The following KAT2B variants were observed in gnomAD, a reference collection of about 807,000 sequenced individuals.
KAT2B encodes lysine acetyltransferase 2B.
A neutral mutation model predicts 105.9 loss-of-function variants in KAT2B; 36 were observed. The observed-to-expected ratio is 0.34, with a 90% CI of 0.26 to 0.45. The LOEUF (loss-of-function observed/expected upper bound fraction) is 0.45, where lower values mean the gene tolerates loss of function less well. KAT2B is among the 20% of genes least tolerant of loss of function. KAT2B has a pLI of 1.00. For missense variants in KAT2B, 820 were observed against 1,021.6 expected (o/e 0.80, Z 2.69); for synonymous variants, 397 against 377.9 (o/e 1.05, Z -0.59).
intron 1 of KAT2B, among the ~76,000 whole-genome samples, chr3:20,068,326 C>A (rs769815761): frequency 3.3e-5 from 5 of 151,270 alleles, no homozygotes; most frequent in Non-Finnish European, 7.4e-5. Flanking sequence ...ACGTCTTTAC[C>A]CACTGCGCTG....
chr3:20,147,531 A>G (rs938698590), intron 14 of KAT2B, among the ~76,000 whole-genome samples: 5 of 152,190 alleles, frequency 3.3e-5, no homozygotes, highest in African/African-American at 9.6e-5. Flanking sequence ...GCTGTTTTCT[A>G]TCTGCTACAC....
intron 3 of KAT2B, among the ~76,000 whole-genome samples, chr3:20,097,852 G>GA (rs1270945641): frequency 6.6e-6 from 1 of 151,608 alleles, no homozygotes; most frequent in African/African-American, 2.4e-5. Flanking sequence ...TTTTTAAAAA[G>GA]AAAAAAAGAG....
intron 1 of KAT2B, among the ~76,000 whole-genome samples, chr3:20,069,895 TCTC>T (rs1168857756): frequency 2.0e-5 from 3 of 152,142 alleles, no homozygotes; most frequent in African/African-American, 7.2e-5. Flanking sequence ...TTTGCCATAT[TCTC>T]CTATTCACTG....
intron 13 of KAT2B, among the ~76,000 whole-genome samples, chr3:20,143,417 C>G (rs1343336817): frequency 6.6e-6 from 1 of 152,004 alleles, no homozygotes; most frequent in Admixed American, 6.6e-5. Context: ...AAAGGGAATG[C>G]TTATACACTC....
At chr3:20,118,020 A>C (rs1286516057) in intron 7 of KAT2B, among the ~76,000 whole-genome samples, 2 of 151,972 alleles carry the variant, frequency 1.3e-5, no homozygotes, top group African/African-American at 2.4e-5. Flanking sequence ...TTACCTGGTT[A>C]TAAACCAATT....
intron 1 of KAT2B, among the ~76,000 whole-genome samples, chr3:20,045,771 C>T (rs1459369763): frequency 6.6e-6 from 1 of 152,138 alleles, no homozygotes; most frequent in African/African-American, 2.4e-5. Context: ...GCTCTGCAAC[C>T]TTGGATAAGG....
intron 11 of KAT2B, among the ~76,000 whole-genome samples, 194 bp from the exon 12 acceptor site, chr3:20,136,748 G>C (rs759860880): frequency 8.6e-5 from 13 of 152,002 alleles, no homozygotes; most frequent in Non-Finnish European, 1.8e-4. Context: ...TTTTGATTTT[G>C]TTTTGGTTTT....
At chr3:20,074,792 CTG>C (rs1698388386) in intron 2 of KAT2B, among the ~76,000 whole-genome samples, 1 of 152,148 alleles carries the variant, frequency 6.6e-6, no homozygotes, top group Non-Finnish European at 1.5e-5. Context: ...GCCTCTGTCC[CTG>C]TGAGTATTGG....
At chr3:20,107,801 T>G (rs1013961964) in intron 5 of KAT2B, among the ~76,000 whole-genome samples, 1 of 145,448 alleles carries the variant, frequency 6.9e-6, no homozygotes, top group Admixed American at 6.9e-5. Context: ...TTATTTTGCT[T>G]TTTCCTTTTT....
chr3:20,058,277 G>A (rs9817728), intron 1 of KAT2B, among the ~76,000 whole-genome samples: 3,985 of 151,974 alleles, frequency 0.026, 156 homozygotes, highest in African/African-American at 0.09. Flanking sequence ...GGCCAACATG[G>A]TGAAACCCCG....
intron 9 of KAT2B, among the ~76,000 whole-genome samples, chr3:20,123,660 G>A (rs1699350856): frequency 6.6e-6 from 1 of 152,204 alleles, no homozygotes; most frequent in Non-Finnish European, 1.5e-5. Flanking sequence ...TGAAGGATCA[G>A]TTAGGGATTG....
At chr3:20,142,873 G>GTATATA (rs578150928) in intron 13 of KAT2B, among the ~76,000 whole-genome samples, 186 of 139,372 alleles carry the variant, frequency 1.3e-3, no homozygotes, top group South Asian at 8.7e-3. Flanking sequence ...GCATAATTGG[G>GTATATA]TATCTATGTG....
At chr3:20,089,026 A>G (rs371989160) in intron 2 of KAT2B, among the ~76,000 whole-genome samples, 1 of 152,150 alleles carries the variant, frequency 6.6e-6, no homozygotes, top group South Asian at 2.1e-4. Context: ...TTTGTTGAAA[A>G]TCAGTTGACT....
chr3:20,082,515 G>C (rs376169021), intron 2 of KAT2B, among the ~76,000 whole-genome samples: 246 of 152,052 alleles, frequency 1.6e-3, no homozygotes, highest in African/African-American at 5.6e-3. Context: ...CTGTTTAGTT[G>C]TCATGTCTCT....
chr3:20,146,395 T>A lies in KAT2B; in HGVS notation c.2084T>A (p.Val695Asp), dbSNP rs747047342. The A allele has an allele frequency of 6.2e-7, 1 of 1,612,796 alleles. No homozygotes were observed. Reference protein sequence around the residue: ...YPGLSCFKDGVRQIPIESIPG... With the variant: ...YPGLSCFKDGDRQIPIESIPG... ...GGACTTTCATGTTTTAAAGATGGAG[T>A]TCGACAGATTCCTATAGAAAGCATT... The change falls in exon 14 of 18, where the codon GTT (valine) becomes GAT (aspartate). Residue 695 changes from valine to aspartate, a missense_variant. Around this residue, in one of 6 missense-constraint regions of KAT2B, gnomAD observed 227 missense variants for 292.9 expected, o/e 0.77. Coordinates refer to ENST00000263754, the MANE Select transcript of KAT2B (RefSeq NM_003884.5).
intron 10 of KAT2B, among the ~76,000 whole-genome samples, chr3:20,126,642 G>C (rs903371580): frequency 2.6e-5 from 4 of 151,692 alleles, no homozygotes; most frequent in African/African-American, 9.7e-5. Context: ...GACCAACATG[G>C]AGAAACCCCG....
intron 11 of KAT2B, among the ~76,000 whole-genome samples, chr3:20,128,936 G>A (rs1193318689): frequency 6.6e-6 from 1 of 150,718 alleles, no homozygotes; most frequent in African/African-American, 2.4e-5. Flanking sequence ...GAACCCGGGA[G>A]GCGGAGGTTG....
At chr3:20,107,004 TATATATATATA>T (rs1457042260) in intron 5 of KAT2B, among the ~76,000 whole-genome samples, 8 of 43,706 alleles carry the variant, frequency 1.8e-4, no homozygotes, top group East Asian at 1.9e-3. Context: ...TATATATATA[TATATATATATA>T]TTTTTTTTTT....
chr3:20,057,917 G>A (rs1263032432), intron 1 of KAT2B, among the ~76,000 whole-genome samples: 3 of 152,144 alleles, frequency 2.0e-5, no homozygotes, highest in African/African-American at 7.2e-5. Context: ...TTCAACTCCA[G>A]CATAAACACA....
Sources: allele counts gnomAD v4.1 joint callset (sites outside exome capture counted in the v4.1 genomes callset), GRCh38; gene constraint gnomAD v4.1.1; regional missense constraint gnomAD v4.1.1; transcripts MANE v1.5; gene names NCBI Gene and HGNC (gene_info 2026-07-23, HGNC 2026-07-21).